The following ATP9B variants were observed in gnomAD, a reference collection of about 807,000 sequenced individuals.
ATP9B encodes ATPase phospholipid transporting 9B, also known as probable phospholipid-transporting ATPase IIB.
Under a neutral mutation model 146.1 loss-of-function variants are expected in ATP9B, and 110 were observed. That is an observed-to-expected ratio of 0.75 (90% CI 0.65 to 0.88). The LOEUF (loss-of-function observed/expected upper bound fraction) is 0.88, where lower values mean the gene tolerates loss of function less well. Among genes scored for constraint, ATP9B ranks in the 40% least tolerant of loss-of-function variants. ATP9B has a pLI of 0.00. For missense variants in ATP9B, 1,499 were observed against 1,496.4 expected (o/e 1.00, Z -0.03); for synonymous variants, 604 against 569.7 (o/e 1.06, Z -0.86).
intron 11 of ATP9B, among the ~76,000 whole-genome samples, chr18:79,247,020 T>A (rs1176794746): frequency 1.3e-5 from 2 of 152,256 alleles, no homozygotes; most frequent in Non-Finnish European, 2.9e-5. Flanking sequence ...AGTTTCTGGA[T>A]CATTTTGCAT....
At chr18:79,171,586 T>TG (rs1053449266) in intron 7 of ATP9B, among the ~76,000 whole-genome samples, 2 of 152,156 alleles carry the variant, frequency 1.3e-5, no homozygotes, top group African/African-American at 4.8e-5. Flanking sequence ...GGTTGACAAC[T>TG]TACCTGTAGT....
chr18:79,137,764 C>G (rs780090116), intron 5 of ATP9B, among the ~76,000 whole-genome samples: 18 of 152,212 alleles, frequency 1.2e-4, no homozygotes, highest in Non-Finnish European at 2.2e-4. Context: ...TCCAATGCCT[C>G]CTTTTCTAGG....
At chr18:79,251,846 T>C (rs2145041042) in intron 11 of ATP9B, among the ~76,000 whole-genome samples, 1 of 152,380 alleles carries the variant, frequency 6.6e-6, no homozygotes, top group Admixed American at 6.5e-5. Flanking sequence ...AGTCATGTTT[T>C]CTTTGTGTAC....
At chr18:79,351,129 A>C (rs773322604) in intron 25 of ATP9B, among the ~76,000 whole-genome samples, 1 of 152,236 alleles carries the variant, frequency 6.6e-6, no homozygotes, top group Non-Finnish European at 1.5e-5. Flanking sequence ...CTTGAGTTTG[A>C]ACAGTGTGTT....
chr18:79,329,480 A>G (rs1025821145), intron 16 of ATP9B, among the ~76,000 whole-genome samples, 178 bp downstream of exon 16: 7 of 151,610 alleles, frequency 4.6e-5, no homozygotes, highest in African/African-American at 1.7e-4. Flanking sequence ...CTGGGAACCT[A>G]CTGTGTCTCT....
intron 13 of ATP9B, among the ~76,000 whole-genome samples, chr18:79,283,218 T>C (rs2096398095): frequency 6.6e-6 from 1 of 152,242 alleles, no homozygotes; most frequent in Non-Finnish European, 1.5e-5. Flanking sequence ...CTTGGGGGCC[T>C]CAGTCACAGC....
chr18:79,323,066 C>T (rs748647023), intron 15 of ATP9B, among the ~76,000 whole-genome samples: 5 of 152,148 alleles, frequency 3.3e-5, no homozygotes, highest in Non-Finnish European at 5.9e-5. Context: ...TTGGGATACC[C>T]GTCACCTCAA....
rs181113714 is a variant in ATP9B, at chr18:79,119,092, G to A, written c.558+5738G>A. ...TCTTAAAAAAAAAAAAAAAAAAATT[G>A]CCTTGTGGGTTAAAACTGTTTTAAC... On this transcript the variant is annotated intron_variant, in intron 4 of 29. Transcript: ENST00000426216. 3.2e-3 allele frequency among the ~76,000 whole-genome samples: 463 copies of A among 146,230 alleles called. 2 individuals are homozygous for A. Among genetic ancestry groups the A allele is most frequent in the Non-Finnish European group, 4.7e-3 (317 of 67,100 alleles).
At chr18:79,364,396 A>C (rs1182345857) in intron 26 of ATP9B, 1 of 152,240 alleles carries the variant, frequency 6.6e-6, no homozygotes, top group Admixed American at 6.5e-5. Flanking sequence ...AGACAAAAAG[A>C]TCGGTGGAAC....
intron 1 of ATP9B, among the ~76,000 whole-genome samples, chr18:79,076,702 A>G (rs2072664194): frequency 6.6e-6 from 1 of 152,060 alleles, no homozygotes; most frequent in South Asian, 2.1e-4. Flanking sequence ...TCTTTTGTCA[A>G]ATCTGAGAAG....
chr18:79,136,189 A>G (rs983049063), intron 5 of ATP9B, among the ~76,000 whole-genome samples: 9 of 152,246 alleles, frequency 5.9e-5, no homozygotes, highest in Non-Finnish European at 1.0e-4. Flanking sequence ...TGGCTTACCA[A>G]TTTCTACAAA....
intron 1 of ATP9B, among the ~76,000 whole-genome samples, chr18:79,088,123 C>A (rs2073998360): frequency 6.6e-6 from 1 of 152,160 alleles, no homozygotes; most frequent in African/African-American, 2.4e-5. Flanking sequence ...AAATTGCTTG[C>A]CAGTTCAAAG....
chr18:79,320,840 G>A (rs1237031541), intron 15 of ATP9B, among the ~76,000 whole-genome samples: 3 of 151,272 alleles, frequency 2.0e-5, no homozygotes, highest in Non-Finnish European at 4.4e-5. Flanking sequence ...TACATACTAG[G>A]AAACCTTGGG....
rs538314701 is a variant in ATP9B, at chr18:79,271,809, A to G, written c.1269-5245A>G. ...TCTAGTTCTAGATCCCTGAGGAATC[A>G]CCACACTGACTTCCACAATGGTTGA... is the stretch of plus-strand genomic sequence containing the variant. On this transcript the variant is annotated intron_variant, in intron 12 of 29. Coordinates refer to ENST00000426216, the MANE Select transcript of ATP9B (RefSeq NM_198531.5). 3.6e-3 allele frequency among the ~76,000 whole-genome samples: 530 copies of G among 149,038 alleles called. 1 individual carries two copies. Among genetic ancestry groups the G allele is most frequent in the Non-Finnish European group, 5.0e-3 (338 of 66,958 alleles).
intron 7 of ATP9B, among the ~76,000 whole-genome samples, chr18:79,159,450 C>G (rs62101123): frequency 0.07 from 10,605 of 152,168 alleles, 414 homozygotes; most frequent in Non-Finnish European, 0.078. Flanking sequence ...CTGACTGCAG[C>G]TCTGTGAATC....
intron 26 of ATP9B, among the ~76,000 whole-genome samples, chr18:79,366,192 C>T (rs1015085849): frequency 1.3e-5 from 2 of 152,150 alleles, no homozygotes; most frequent in East Asian, 1.9e-4. Context: ...AGAGGGTGAC[C>T]GGAGAGGCAT....
chr18:79,312,856 C>T (rs535988316), intron 15 of ATP9B, among the ~76,000 whole-genome samples: 1 of 152,204 alleles, frequency 6.6e-6, no homozygotes, highest in Non-Finnish European at 1.5e-5. Flanking sequence ...TTGTGAATCA[C>T]ATTGTCACTT....
rs56119715 is a variant in ATP9B, at chr18:79,071,399, C to CTTTTTTTTTTTTTTTTTTTTTT, written c.119+1884_119+1885insTTTTTTTTTTTTTTTTTTTTTT. On this transcript the variant is annotated intron_variant, in intron 1 of 29. Transcript: ENST00000426216. The stretch of plus-strand genomic sequence containing the variant: ...ATTTCCCCTTTTTCTATTGTTCTTC[C>CTTTTTTTTTTTTTTTTTTTTTT]TTTTTTTTTTTTTTGAGACAGGGTC... 6.3e-3 allele frequency among the ~76,000 whole-genome samples: 433 copies of CTTTTTTTTTTTTTTTTTTTTTT among 69,248 alleles called. 90 individuals are homozygous for CTTTTTTTTTTTTTTTTTTTTTT. Among genetic ancestry groups the CTTTTTTTTTTTTTTTTTTTTTT allele is most frequent in the Middle Eastern group, 0.04 (2 of 50 alleles). The allele number at this position is 69,248 out of a possible 152,430, so 45.4% of individuals were successfully genotyped here. A position where few individuals can be genotyped will look rare whatever the true frequency, so the allele number is the denominator to read the frequency against.
chr18:79,164,687 C>A (rs555068964), intron 7 of ATP9B, among the ~76,000 whole-genome samples: 1 of 152,184 alleles, frequency 6.6e-6, no homozygotes, highest in African/African-American at 2.4e-5. Context: ...CCACTGCACT[C>A]CAGGCTGGGT....
Sources: allele counts gnomAD v4.1 joint callset (sites outside exome capture counted in the v4.1 genomes callset), GRCh38; gene constraint gnomAD v4.1.1; transcripts MANE v1.5; gene names NCBI Gene and HGNC (gene_info 2026-07-23, HGNC 2026-07-21).